KCNH7: variants seen among roughly 807,000 people sequenced by gnomAD.
KCNH7 encodes potassium voltage-gated channel subfamily H member 7, also known as voltage-gated inwardly rectifying potassium channel KCNH7.
In KCNH7, 49 loss-of-function variants were observed where a neutral mutation model predicts 120.8. The ratio of observed to expected loss-of-function variants is 0.41; its 90% CI spans 0.32 to 0.51. The LOEUF is 0.51. Ranked by LOEUF, KCNH7 falls within the 20% of genes least tolerant of loss-of-function variation. The probability of loss-of-function intolerance (pLI) is 0.38; values close to 1 mark genes in which losing one functional copy is unlikely to be tolerated. For missense variants in KCNH7, 1,097 were observed against 1,446.6 expected (o/e 0.76, Z 3.92); for synonymous variants, 547 against 516.1 (o/e 1.06, Z -0.81).
At chr2:162,411,416 A>G (rs1375018933) in intron 9 of KCNH7, among the ~76,000 whole-genome samples, 1 of 152,068 alleles carries the variant, frequency 6.6e-6, no homozygotes, top group Non-Finnish European at 1.5e-5. Flanking sequence ...TTGAATACAC[A>G]TGGACATAAA....
At chr2:162,766,752 G>A (rs62171389) in intron 2 of KCNH7, among the ~76,000 whole-genome samples, 14,152 of 151,946 alleles carry the variant, frequency 0.093, 846 homozygotes, top group Non-Finnish European at 0.12. Context: ...GTTATAAAAT[G>A]AAGTCTCTTT....
intron 1 of KCNH7, among the ~76,000 whole-genome samples, chr2:162,837,494 G>A (rs1447164183): frequency 6.6e-6 from 1 of 152,112 alleles, no homozygotes; most frequent in East Asian, 1.9e-4. Context: ...TTACATCACA[G>A]ATTGTATTTA....
intron 2 of KCNH7, among the ~76,000 whole-genome samples, chr2:162,666,254 A>T (rs71424739): frequency 0.16 from 24,306 of 152,042 alleles, 2,276 homozygotes; most frequent in East Asian, 0.46. Flanking sequence ...ACTTCTGTTC[A>T]CTTCCAACAG....
chr2:162,452,710 A>G (rs1688812942), intron 6 of KCNH7, among the ~76,000 whole-genome samples: 1 of 152,092 alleles, frequency 6.6e-6, no homozygotes, highest in East Asian at 1.9e-4. Flanking sequence ...TAGGTCTCTT[A>G]CTGAAATACT....
At chr2:162,615,722 G>A (rs1683120448) in intron 2 of KCNH7, among the ~76,000 whole-genome samples, 1 of 152,100 alleles carries the variant, frequency 6.6e-6, no homozygotes, top group Non-Finnish European at 1.5e-5. Flanking sequence ...GTAAAACAAT[G>A]AGGTTATGAA....
At chr2:162,486,154 G>A (rs1234375811) in intron 6 of KCNH7, among the ~76,000 whole-genome samples, 1 of 152,104 alleles carries the variant, frequency 6.6e-6, no homozygotes, top group Non-Finnish European at 1.5e-5. Flanking sequence ...AAAAGACCAC[G>A]GTTATATTCT....
intron 6 of KCNH7, among the ~76,000 whole-genome samples, chr2:162,494,884 A>G (rs1690443787): frequency 6.6e-6 from 1 of 152,172 alleles, no homozygotes; most frequent in South Asian, 2.1e-4. Context: ...AATGGACTGA[A>G]CTAATAGAAA....
chr2:162,447,095 C>T (rs988537722), intron 6 of KCNH7, among the ~76,000 whole-genome samples: 1 of 151,988 alleles, frequency 6.6e-6, no homozygotes, highest in African/African-American at 2.4e-5. Flanking sequence ...CCAACCCTTC[C>T]ATCACATTTA....
intron 2 of KCNH7, among the ~76,000 whole-genome samples, chr2:162,690,212 C>T (rs904039252): frequency 6.6e-6 from 1 of 152,012 alleles, no homozygotes; most frequent in Non-Finnish European, 1.5e-5. Flanking sequence ...GGAAACAACA[C>T]ACGCTGACCT....
chr2:162,568,224 A>G (rs1231610019), intron 2 of KCNH7, among the ~76,000 whole-genome samples: 3 of 152,032 alleles, frequency 2.0e-5, no homozygotes, highest in Non-Finnish European at 4.4e-5. Context: ...CACCCCCATG[A>G]TTCAATTAGC....
At chr2:162,807,272 A>AAAAC (rs1553531729) in intron 2 of KCNH7, among the ~76,000 whole-genome samples, 13 of 119,104 alleles carry the variant, frequency 1.1e-4, no homozygotes, top group South Asian at 6.4e-4. Flanking sequence ...AAAAAAAAAA[A>AAAAC]AAAAAAAAAA....
At chr2:162,460,277 G>C (rs1436963274) in intron 6 of KCNH7, among the ~76,000 whole-genome samples, 2 of 152,014 alleles carry the variant, frequency 1.3e-5, no homozygotes, top group African/African-American at 4.8e-5. Flanking sequence ...GAGAGAAGAA[G>C]ACCAAACTCA....
rs373376905 is a variant in KCNH7, at chr2:162,517,885, C to G, written c.737G>C (p.Arg246Pro). ...DHSSPKRQWD[R>P]LYPDMLQSSS... The stretch of plus-strand genomic sequence containing the variant: ...TGACTGCAGCATGTCAGGGTAGAGT[C>G]GGTCCCATTGCCTTTTGGGAGAGGA... Residue 246 changes from arginine to proline, a missense_variant, in exon 4 of 16, where the codon CGA becomes CCA. Around this residue, in one of 8 missense-constraint regions of KCNH7, gnomAD observed 362 missense variants for 372.2 expected, o/e 0.97. Coordinates refer to ENST00000332142, the MANE Select transcript of KCNH7 (RefSeq NM_033272.4). 6.8e-6 allele frequency: 11 copies of G among 1,612,196 alleles called. No individual in the cohort carries two copies. Among genetic ancestry groups the G allele is most frequent in the Admixed American group, 1.7e-5 (1 of 59,888 alleles).
chr2:162,781,934 T>G (rs888437826), intron 2 of KCNH7, among the ~76,000 whole-genome samples: 1 of 152,234 alleles, frequency 6.6e-6, no homozygotes, highest in Admixed American at 6.5e-5. Flanking sequence ...ATTGCAGGTC[T>G]CCTCACTGGT....
intron 2 of KCNH7, among the ~76,000 whole-genome samples, chr2:162,674,249 T>G (rs1252973299): frequency 6.6e-6 from 1 of 151,744 alleles, no homozygotes; most frequent in Non-Finnish European, 1.5e-5. Flanking sequence ...GAAGCAAAAA[T>G]GATAGTAGCA....
chr2:162,833,227 T>TC (rs1215909296), intron 2 of KCNH7, among the ~76,000 whole-genome samples: 2 of 152,092 alleles, frequency 1.3e-5, no homozygotes, highest in Non-Finnish European at 1.5e-5. Context: ...CTAGCTCTCT[T>TC]CCGTGATGTA....
rs140283570 is a variant in KCNH7 at position 162,504,451 on chromosome 2, C to T, written c.1120G>A (p.Val374Met). Reference protein sequence around the residue: ...KDRTHNVTEKVTQVLSLGADV... With the variant: ...KDRTHNVTEKMTQVLSLGADV... ...AGAAAATTGTGTCCTACCTGGGTCA[C>T]TTTCTCAGTCACATTGTGTGTTCGA... is the stretch of plus-strand genomic sequence containing the variant. Residue 374 changes from valine (V) to methionine (M), a missense_variant, in exon 6 of 16, where the codon GTG (valine) becomes ATG (methionine). Val to Met is a conservative substitution (Grantham distance 21). This residue lies in a region of KCNH7 where 362 missense variants were observed against 372.2 expected (regional missense o/e 0.97). Coordinates refer to ENST00000332142, the MANE Select transcript of KCNH7 (RefSeq NM_033272.4). 3,108 of 1,611,540 alleles carry T rather than the reference C, an allele frequency of 1.9e-3. 12 individuals carry two copies. The highest frequency in any genetic ancestry group is 0.01 in the Middle Eastern group (63 of 6,046).
intron 2 of KCNH7, among the ~76,000 whole-genome samples, chr2:162,805,487 C>T (rs1684506095): frequency 6.6e-6 from 1 of 152,018 alleles, no homozygotes; most frequent in South Asian, 2.1e-4. Flanking sequence ...AAAAAATGCT[C>T]AATATCACTT....
At chr2:162,596,079 A>T (rs1694369467) in intron 2 of KCNH7, among the ~76,000 whole-genome samples, 1 of 152,168 alleles carries the variant, frequency 6.6e-6, no homozygotes, top group East Asian at 1.9e-4. Flanking sequence ...AGAGGAAAGA[A>T]ATTCTGTGTC....
Sources: gnomAD v4.1 joint callset for allele counts (sites outside exome capture counted in the v4.1 genomes callset) on GRCh38, gnomAD v4.1.1 for gene constraint, gnomAD v4.1.1 regional missense constraint, MANE v1.5 for transcripts, NCBI Gene and HGNC (gene_info 2026-07-23, HGNC 2026-07-21) for gene names.